TUBB8B: variants seen among roughly 807,000 people sequenced by gnomAD.
The protein encoded by TUBB8B is HSA18p11 beta-tubulin 4Q pseudogene.
In TUBB8B, 26 loss-of-function variants were observed where a neutral mutation model predicts 31.9. That is an observed-to-expected ratio of 0.81 (90% confidence interval 0.60 to 1.13). TUBB8B has a LOEUF of 1.13. TUBB8B is among the 50% of genes most tolerant of loss of function. The probability of loss-of-function intolerance (pLI) is 0.00; values close to 1 mark genes in which losing one functional copy is unlikely to be tolerated. For missense variants in TUBB8B, 467 were observed against 586.7 expected, an observed-to-expected ratio of 0.80 and a Z score of 2.11; for synonymous variants, 173 against 231.0, an observed-to-expected ratio of 0.75 and a Z score of 2.28.
In TUBB8B at chr18:48,014, G is replaced by C. The variant is rs143836086; in HGVS notation, c.711C>G (p.Thr237=). The C allele has an allele frequency of 1.1e-5, 17 of 1,612,432 alleles. No homozygotes were observed. In the African/African-American group the frequency reaches 1.3e-4, roughly 13 times the overall value. ...GCTGGCCTGGGAAGCGCAGGCATGT[G>C]GTGACCCCACTCATGGTAGCAGACA... ...HLVSATMSGV[T]TCLRFPGQLN... Residue 237 remains threonine, a synonymous_variant, in exon 4 of 4, where the codon ACC becomes ACG. Transcript: ENST00000308911.
chr18:63,743 ACCCTAACCCTAG>A, the TUBB8B span, among the ~76,000 whole-genome samples: 1 of 121,468 alleles, frequency 8.2e-6, no homozygotes, highest in South Asian at 2.8e-4. Context: ...CCTAACTCTA[ACCCTAACCCTAG>A]CCCTAACCCT....
chr18:72,196 A>AAAAACAAAAAAAAAAAAAAAC, the TUBB8B span, among the ~76,000 whole-genome samples: 2 of 84,536 alleles, frequency 2.4e-5, no homozygotes, highest in African/African-American at 7.8e-5. Flanking sequence ...AAAAAAAAAA[A>AAAAACAAAAAAAAAAAAAAAC]AAAGGAAAAA....
At chr18:55,063 C>G in the TUBB8B span, among the ~76,000 whole-genome samples, 1 of 151,858 alleles carries the variant, frequency 6.6e-6, no homozygotes. Flanking sequence ...GTGTATTAGT[C>G]TGTTTCTGCA....
intron 3 of TUBB8B, 177 bp from the exon 4 acceptor site, chr18:48,624 A>T: frequency 1.5e-6 from 1 of 686,706 alleles, no homozygotes; most frequent in Non-Finnish European, 2.6e-6. Flanking sequence ...CCCTGTTAGA[A>T]ATTAAGACAG....
In TUBB8B at chr18:47,518, T is replaced by G. The variant is rs758328960; in HGVS notation, c.1207A>C (p.Met403Leu). Reference protein sequence around the residue: ...AFLHWYTGEGMDEMEFTEAES... With the variant: ...AFLHWYTGEGLDEMEFTEAES... ...GCCTCGGTGAATTCCATCTCATCCA[T>G]GCCCTCGCCCGTGTACCAGTGGAGG... Residue 403 changes from methionine (M) to leucine (L), a missense_variant, in exon 4 of 4, where the codon ATG becomes CTG. Met to Leu is a conservative substitution (Grantham distance 15). This residue lies in a region of TUBB8B where 208 missense variants were observed against 206.7 expected (regional missense o/e 1.01). Transcript: ENST00000308911. The G allele has an allele frequency of 1.2e-5, 19 of 1,596,800 alleles. No homozygotes were observed. Among genetic ancestry groups the G allele is most frequent in the Non-Finnish European group, 1.6e-5 (19 of 1,166,246 alleles).
chr18:73,082 G>C, the TUBB8B span, among the ~76,000 whole-genome samples: 2 of 152,108 alleles, frequency 1.3e-5, no homozygotes, highest in African/African-American at 4.8e-5. Flanking sequence ...GCGTCTCCGC[G>C]TTCCTCCCCC....
chr18:66,479 A>T, the TUBB8B span, among the ~76,000 whole-genome samples: 1 of 146,422 alleles, frequency 6.8e-6, no homozygotes. Flanking sequence ...TGAGCCCCGG[A>T]GATAGAGGCT....
chr18:47,642 T>C lies in TUBB8B; in HGVS notation c.1083A>G (p.Leu361=), dbSNP rs1292785187. ...TCCCAATGAAGGTGGCTGACATTTTTAGCCCCCGGGGTGGGATGTCACAGA... is the reference window on the plus strand; with the variant it reads ...TCCCAATGAAGGTGGCTGACATTTTCAGCCCCCGGGGTGGGATGTCACAGA... ...TAVCDIPPRG[L]KMSATFIGNN... Residue 361 remains leucine (L), a synonymous_variant, in exon 4 of 4, where the codon CTA becomes CTG. Coordinates refer to ENST00000308911, the MANE Select transcript of TUBB8B (RefSeq NM_001358689.2). The C allele has an allele frequency of 2.5e-6, 4 of 1,612,572 alleles. No homozygotes were observed. The highest frequency in any genetic ancestry group is 3.4e-6 in the Non-Finnish European group (4 of 1,179,420).
In TUBB8B at chr18:48,231, TTTA is replaced by T; in HGVS notation, c.491_493del (p.Ile164del). The T allele has an allele frequency of 6.2e-7, 1 of 1,611,818 alleles. No individual in the cohort carries two copies. The highest frequency in any genetic ancestry group is 8.5e-7 in the Non-Finnish European group (1 of 1,177,956). On this transcript the variant is annotated inframe_deletion, in exon 4 of 4. Transcript: ENST00000308911. ...GGGCGAGGGCAGGATGCTGAATGTG[TTTA>T]TGATCCTGTCTGGGTACTCCTCCCG...
At chr18:50,760 C>A (rs1189598171), upstream of TUBB8B, among the ~76,000 whole-genome samples, 1 of 151,966 alleles carries the variant, frequency 6.6e-6, no homozygotes, top group African/African-American at 2.4e-5. Context: ...GTATGCTGAC[C>A]AGCACGCCCA....
the TUBB8B span, among the ~76,000 whole-genome samples, chr18:66,408 C>T: frequency 6.6e-6 from 1 of 152,004 alleles, no homozygotes; most frequent in African/African-American, 2.4e-5. Context: ...AAAAATTAGC[C>T]AGATGTGGTG....
rs1905975419 is a variant in TUBB8B at position 49,570 on chromosome 18, A to C, written c.-13T>G. 1.2e-6 allele frequency: 1 copy of C among 814,018 alleles called. No individual in the cohort carries two copies. The highest frequency in any genetic ancestry group is 2.0e-6 in the Non-Finnish European group (1 of 494,330). 50.4% of individuals were successfully genotyped at this position (814,018 alleles called of 1,614,324 possible). On this transcript the variant is annotated 5_prime_UTR_variant, in exon 1 of 4. Transcript: ENST00000308911. ...CGATTTCCCTCATGGCCAAGGCAGG[A>C]TTAGGGCGGCAGCAGAAGCGCGAGA... is the stretch of plus-strand genomic sequence containing the variant.
At position 47,903 on chromosome 18, in the gene TUBB8B, G is replaced by C. The variant is rs768826196; in HGVS notation, c.822C>G (p.Thr274=). Residue 274 remains threonine, a synonymous_variant, in exon 4 of 4, where the codon ACC becomes ACG. Transcript: ENST00000308911. The stretch of plus-strand genomic sequence containing the variant: ...CCCGGTACTGCTGGCTGCCCCGGCT[G>C]GTCAGTGGGGCAAAGCCGGGCATGA... ...HFFMPGFAPL[T]SRGSQQYRAL... The C allele has an allele frequency of 1.2e-6, 2 of 1,611,274 alleles. No individual in the cohort carries two copies. Among genetic ancestry groups the C allele is most frequent in the Non-Finnish European group, 1.7e-6 (2 of 1,179,696 alleles).
upstream of TUBB8B, among the ~76,000 whole-genome samples, chr18:54,553 T>C (rs1906224112): frequency 6.6e-6 from 1 of 151,922 alleles, no homozygotes; most frequent in Admixed American, 6.6e-5. Flanking sequence ...TCCCAGCCTC[T>C]GGTAACCACC....
the TUBB8B span, chr18:73,434 G>A: frequency 2.3e-4 from 37 of 162,618 alleles, no homozygotes; most frequent in South Asian, 5.0e-3. Context: ...GGGTCCTGAG[G>A]AGAGGAAGCT....
the TUBB8B span, among the ~76,000 whole-genome samples, chr18:63,481 T>A: frequency 4.0e-5 from 6 of 151,568 alleles, no homozygotes; most frequent in Non-Finnish European, 8.8e-5. Flanking sequence ...GAGCTGGAGT[T>A]GGGGTAATAT....
At chr18:59,823 C>T in the TUBB8B span, among the ~76,000 whole-genome samples, 5 of 151,828 alleles carry the variant, frequency 3.3e-5, no homozygotes, top group East Asian at 1.9e-4. Context: ...GGATTACAGG[C>T]GTGAGCCACT....
upstream of TUBB8B, among the ~76,000 whole-genome samples, chr18:53,103 A>G (rs1311033125): frequency 6.6e-6 from 1 of 151,808 alleles, no homozygotes; most frequent in Non-Finnish European, 1.5e-5. Flanking sequence ...GTGGCCAGTA[A>G]AAAAATGTGG....
chr18:57,927 A>G, the TUBB8B span, among the ~76,000 whole-genome samples: 1 of 151,926 alleles, frequency 6.6e-6, no homozygotes, highest in African/African-American at 2.4e-5. Flanking sequence ...CCTCTGAAGC[A>G]GTGACTGGAG....
Sources: allele counts gnomAD v4.1 joint callset (sites outside exome capture counted in the v4.1 genomes callset), GRCh38; gene constraint gnomAD v4.1.1; regional missense constraint gnomAD v4.1.1; transcripts MANE v1.5; gene names NCBI Gene and HGNC (gene_info 2026-07-23, HGNC 2026-07-21).